LRP2: variants seen among roughly 807,000 people sequenced by gnomAD.
The protein encoded by LRP2 is low-density lipoprotein receptor-related protein 2.
In LRP2, 172 loss-of-function variants were observed where a neutral mutation model predicts 531.0. The observed-to-expected ratio is 0.32, with a 90% CI of 0.29 to 0.37. The LOEUF (loss-of-function observed/expected upper bound fraction) is 0.37, where lower values mean the gene tolerates loss of function less well. Ranked by LOEUF, LRP2 falls within the 10% of genes least tolerant of loss-of-function variation. The probability of loss-of-function intolerance (pLI) is 1.00; values close to 1 mark genes in which losing one functional copy is unlikely to be tolerated. For missense variants in LRP2, 5,167 were observed against 5,868.3 expected (o/e 0.88, Z 3.90); for synonymous variants, 1,992 against 2,027.6 (o/e 0.98, Z 0.47).
Position 169,157,917 on chromosome 2 carries a change from GAAATAAATAAATAAAT to G in LRP2, c.11888-431_11888-416del, listed in dbSNP as rs71397691. Among the ~76,000 whole-genome samples, 940 of 130,734 alleles carry G rather than the reference GAAATAAATAAATAAAT, an allele frequency of 7.2e-3. 8 individuals carry two copies. The highest frequency in any genetic ancestry group is 0.025 in the African/African-American group (891 of 36,264). 85.8% of individuals were successfully genotyped at this position (130,734 alleles called of 152,430 possible). On this transcript the variant is annotated intron_variant, in intron 63 of 78. Coordinates refer to ENST00000649046, the MANE Select transcript of LRP2 (RefSeq NM_004525.3). The stretch of plus-strand genomic sequence containing the variant: ...TAGATCGATAGATAGATAACAGATA[GAAATAAATAAATAAAT>G]AAATAAATAAATAAATAAATAAATA...
intron 21 of LRP2, 106 bp downstream of exon 21, chr2:169,246,599 A>G: frequency 7.5e-7 from 1 of 1,338,634 alleles, no homozygotes; most frequent in East Asian, 2.3e-5. Flanking sequence ...TGAAATTCTA[A>G]AAGATATTTT....
intron 16 of LRP2, among the ~76,000 whole-genome samples, chr2:169,264,091 T>G (rs1690690092): frequency 6.6e-6 from 1 of 152,002 alleles, no homozygotes; most frequent in African/African-American, 2.4e-5. Flanking sequence ...CTCTGGGGAC[T>G]GTTGTGGGGT....
chr2:169,203,883 A>C, intron 42 of LRP2, 99 bp downstream of exon 42: 1 of 1,300,954 alleles, frequency 7.7e-7, no homozygotes. Context: ...CATCAAGGAG[A>C]ATTTGAATTT....
chr2:169,171,952 G>A (rs1687019316), intron 58 of LRP2, 63 bp downstream of exon 58: 1 of 1,604,324 alleles, frequency 6.2e-7, no homozygotes, highest in African/African-American at 1.3e-5. Flanking sequence ...GTTGAATTAT[G>A]GACAAAAAGC....
intron 22 of LRP2, among the ~76,000 whole-genome samples, chr2:169,244,485 A>G (rs1217677200): frequency 1.3e-5 from 2 of 152,216 alleles, no homozygotes; most frequent in Non-Finnish European, 2.9e-5. Context: ...ATAGAACTCA[A>G]TATTTGTAGG....
chr2:169,210,828 G>A (rs1688566471), intron 37 of LRP2, among the ~76,000 whole-genome samples: 1 of 152,130 alleles, frequency 6.6e-6, no homozygotes, highest in South Asian at 2.1e-4. Context: ...GGGTAAAGTG[G>A]CATGGTATTA....
intron 9 of LRP2, among the ~76,000 whole-genome samples, chr2:169,285,974 A>G (rs557212288): frequency 1.0e-3 from 152 of 152,378 alleles, no homozygotes; most frequent in African/African-American, 3.4e-3. Flanking sequence ...GCAGAGGGTT[A>G]TAGCCATACA....
At chr2:169,301,481 A>G (rs537970697) in intron 4 of LRP2, among the ~76,000 whole-genome samples, 4 of 152,140 alleles carry the variant, frequency 2.6e-5, no homozygotes, top group Non-Finnish European at 5.9e-5. Context: ...ATAATAAAAG[A>G]ACTAAGGGGG....
intron 73 of LRP2, 61 bp from the exon 74 acceptor site, chr2:169,139,432 C>G: frequency 6.2e-7 from 1 of 1,614,022 alleles, no homozygotes; most frequent in Non-Finnish European, 8.5e-7. Context: ...CTGGCAGAAA[C>G]TGGGGGCTAG....
In LRP2 at chr2:169,175,184, T is replaced by G; in HGVS notation, c.10768+9A>C. 6.2e-7 allele frequency: 1 copy of G among 1,613,988 alleles called. No homozygotes were observed. Among genetic ancestry groups the G allele is most frequent in the Non-Finnish European group, 8.5e-7 (1 of 1,179,944 alleles). On this transcript the variant is annotated intron_variant, in intron 55 of 78. Coordinates refer to ENST00000649046, the MANE Select transcript of LRP2 (RefSeq NM_004525.3). The stretch of plus-strand genomic sequence containing the variant: ...GTCGGAAAAAGAGGCATAAAGCGAC[T>G]CAACACACCACAAAGAAGACGGTCT...
At chr2:169,137,307 G>A in intron 76 of LRP2, 85 bp downstream of exon 76, 2 of 1,024,160 alleles carry the variant, frequency 2.0e-6, no homozygotes, top group Non-Finnish European at 3.1e-6. Context: ...TTGGAGGGAA[G>A]GTTAGGAAAA....
At chr2:169,180,877 G>A (rs372477318) in intron 52 of LRP2, among the ~76,000 whole-genome samples, 4 of 152,222 alleles carry the variant, frequency 2.6e-5, no homozygotes, top group African/African-American at 9.6e-5. Context: ...TTTTTACAAT[G>A]AGTATTTTTT....
intron 77 of LRP2, 104 bp downstream of exon 77, chr2:169,132,470 T>C (rs1685328570): frequency 2.6e-6 from 2 of 761,498 alleles, no homozygotes; most frequent in African/African-American, 3.4e-5. Context: ...CTTGAGATCT[T>C]TGAGCCTTCC....
intron 50 of LRP2, among the ~76,000 whole-genome samples, chr2:169,184,556 C>T (rs566607464): frequency 6.6e-6 from 1 of 152,300 alleles, no homozygotes; most frequent in South Asian, 2.1e-4. Flanking sequence ...GTTTATGCTG[C>T]CAAGAATCCG....
At chr2:169,223,656 A>G (rs1455837882) in intron 33 of LRP2, among the ~76,000 whole-genome samples, 1 of 152,184 alleles carries the variant, frequency 6.6e-6, no homozygotes, top group Non-Finnish European at 1.5e-5. Flanking sequence ...CAGGAATTAG[A>G]GCAGTGAAGC....
intron 77 of LRP2, 134 bp downstream of exon 77, chr2:169,132,440 T>C: frequency 1.5e-6 from 1 of 652,798 alleles, no homozygotes; most frequent in Non-Finnish European, 2.8e-6. Context: ...AAAAATTATA[T>C]TTATTAACTG....
chr2:169,139,661 A>G (rs1685649886), intron 72 of LRP2, 51 bp from the exon 73 acceptor site: 1 of 1,529,730 alleles, frequency 6.5e-7, no homozygotes, highest in Admixed American at 1.7e-5. Context: ...TTAGGCTTCT[A>G]CTGCATTTTT....
At chr2:169,265,072 T>C (rs970629179) in intron 16 of LRP2, among the ~76,000 whole-genome samples, 2 of 151,840 alleles carry the variant, frequency 1.3e-5, no homozygotes, top group African/African-American at 4.8e-5. Context: ...AATGAAGGCA[T>C]CTATGAAGGA....
Position 169,272,939 on chromosome 2 carries a change from G to A in LRP2, c.2104C>T (p.Arg702Cys), listed in dbSNP as rs147858162. 24 of 1,613,618 alleles carry A rather than the reference G, an allele frequency of 1.5e-5. No homozygotes were observed. Among genetic ancestry groups the A allele is most frequent in the African/African-American group, 4.0e-5 (3 of 74,992 alleles). ...TFGFQLDTDE[R>C]HCIAVQNFLI... ...ACAGACTTCTTACCAATGCAGTGGC[G>A]CTCATCTGTATCCAGTTGGAAGCCG... The change falls in exon 15 of 79, where the codon CGC (arginine) becomes TGC (cysteine). Residue 702 changes from arginine (R) to cysteine (C), a missense_variant. Physicochemically the swap from Arg to Cys is radical, Grantham distance 180 (BLOSUM62 -3). Around this residue, in one of 6 missense-constraint regions of LRP2, gnomAD observed 2,811 missense variants for 3,058.0 expected, o/e 0.92. Coordinates refer to ENST00000649046, the MANE Select transcript of LRP2 (RefSeq NM_004525.3).
Sources: gnomAD v4.1 joint callset for allele counts (sites outside exome capture counted in the v4.1 genomes callset) on GRCh38, gnomAD v4.1.1 for gene constraint, gnomAD v4.1.1 regional missense constraint, MANE v1.5 for transcripts, NCBI Gene and HGNC (gene_info 2026-07-23, HGNC 2026-07-21) for gene names.